The following ZMAT1 variants were observed in gnomAD, a reference collection of about 807,000 sequenced individuals.
ZMAT1 encodes zinc finger matrin-type 1.
A neutral mutation model predicts 18.5 loss-of-function variants in ZMAT1; 11 were observed. The ratio of observed to expected loss-of-function variants is 0.59; its 90% CI spans 0.37 to 0.98. ZMAT1 has a LOEUF of 0.98. ZMAT1 is among the 50% of genes least tolerant of loss of function. The pLI, the probability that ZMAT1 is intolerant of heterozygous loss-of-function variation, is 0.01. For synonymous variants in ZMAT1, 211 were observed against 176.4 expected (o/e 1.20, Z -1.55); for missense variants, 525 against 496.2 (o/e 1.06, Z -0.55).
At chrX:101,922,745 G>A (rs1929808337) in intron 1 of ZMAT1, among the ~76,000 whole-genome samples, 1 of 111,032 alleles carries the variant, frequency 9.0e-6, no homozygotes, top group Non-Finnish European at 1.9e-5. Flanking sequence ...ATTCACAAGA[G>A]ATGCTAAATG....
intron 1 of ZMAT1, 104 bp downstream of exon 1, chrX:101,931,613 G>GC (rs1311749149): frequency 1.7e-6 from 1 of 600,020 alleles, no homozygotes; most frequent in Non-Finnish European, 1.8e-6. Context: ...CACGGCAGGT[G>GC]GGGGTGGGGC....
intron 4 of ZMAT1, chrX:101,895,904 GT>G: frequency 1.4e-6 from 1 of 694,537 alleles, no homozygotes; most frequent in South Asian, 7.4e-5. Flanking sequence ...GTAATAAGAA[GT>G]GATAAACACA....
At chrX:101,915,876 A>G (rs1929292871) in intron 1 of ZMAT1, among the ~76,000 whole-genome samples, 1 of 112,243 alleles carries the variant, frequency 8.9e-6, no homozygotes, top group Admixed American at 9.4e-5. Flanking sequence ...TTTGACCCAG[A>G]AATCCCATTA....
intron 4 of ZMAT1, 41 bp downstream of exon 4, chrX:101,897,827 T>C: frequency 1.7e-6 from 2 of 1,154,995 alleles, no homozygotes; most frequent in Non-Finnish European, 2.3e-6. Flanking sequence ...ACATGATAGG[T>C]AGATCCTGCA....
At chrX:101,892,775 A>G (rs1425889872) in intron 4 of ZMAT1, 1 of 729,629 alleles carries the variant, frequency 1.4e-6, no homozygotes, top group Non-Finnish European at 1.6e-6. Flanking sequence ...GACATGAAGA[A>G]AGCAGTGAGA....
At chrX:101,915,649 C>T (rs1047725334) in intron 1 of ZMAT1, 1 of 112,102 alleles carries the variant, frequency 8.9e-6, no homozygotes, top group South Asian at 3.7e-4. Context: ...TTAGCATGGC[C>T]CCTGCATATG....
intron 1 of ZMAT1, among the ~76,000 whole-genome samples, chrX:101,926,898 T>TG (rs2147686588): frequency 8.9e-6 from 1 of 112,277 alleles, no homozygotes; most frequent in African/African-American, 3.2e-5. Context: ...ACAGGCCAAC[T>TG]GATCTTGATG....
At chrX:101,907,756 C>T (rs1327922001) in intron 1 of ZMAT1, among the ~76,000 whole-genome samples, 6 of 111,336 alleles carry the variant, frequency 5.4e-5, no homozygotes, top group African/African-American at 2.0e-4. Flanking sequence ...AATTCTGGAG[C>T]TTAAAAATAC....
chrX:101,914,213 T>C (rs759476146), intron 1 of ZMAT1, among the ~76,000 whole-genome samples: 4 of 110,984 alleles, frequency 3.6e-5, no homozygotes, highest in Non-Finnish European at 7.6e-5. Context: ...GGGAAGTTTA[T>C]AGCTATAAGT....
rs1413940522 is a variant in ZMAT1 at position 101,931,951 on chromosome X, C to T, written c.58G>A (p.Ala20Thr). ...PLAAESSPQE[A>T]TVSAASSSSY... ...GAGGAGGAGGCGGCAGAGACGGTAGCTTCCTGAGGGGAAGACTCCGCCGCC... is the reference window on the plus strand; with the variant it reads ...GAGGAGGAGGCGGCAGAGACGGTAGTTTCCTGAGGGGAAGACTCCGCCGCC... The change falls in exon 1 of 6, where the codon GCT becomes ACT. Residue 20 changes from alanine to threonine, a missense_variant. Physicochemically the swap from Ala to Thr is moderately conservative, Grantham distance 58. Transcript: ENST00000651725. The T allele has an allele frequency of 1.2e-5, 9 of 776,473 alleles. No homozygotes were observed. Among genetic ancestry groups the T allele is most frequent in the Non-Finnish European group, 1.2e-5 (8 of 655,448 alleles). The allele number at this position is 776,473 out of a possible 1,213,427, so 64.0% of individuals were successfully genotyped here. A position where few individuals can be genotyped will look rare whatever the true frequency, so the allele number is the denominator to read the frequency against.
chrX:101,890,957 T>C (rs902327072), intron 4 of ZMAT1, among the ~76,000 whole-genome samples: 1 of 111,710 alleles, frequency 9.0e-6, no homozygotes, highest in Non-Finnish European at 1.9e-5. Flanking sequence ...AAGACTTATA[T>C]GTTATGCTAA....
At chrX:101,902,340 CGTTA>C (rs1928298910) in intron 2 of ZMAT1, among the ~76,000 whole-genome samples, 1 of 111,305 alleles carries the variant, frequency 9.0e-6, no homozygotes, top group Admixed American at 9.6e-5. Context: ...ACGAATCCTT[CGTTA>C]GTTATATAGG....
chrX:101,894,601 G>T (rs767947069), intron 4 of ZMAT1: 1 of 556,381 alleles, frequency 1.8e-6, no homozygotes, highest in East Asian at 1.8e-4. Context: ...CAGGGAAATA[G>T]AAATCGTGTT....
intron 1 of ZMAT1, among the ~76,000 whole-genome samples, chrX:101,921,558 A>G (rs770461247): frequency 1.8e-5 from 2 of 112,198 alleles, no homozygotes; most frequent in African/African-American, 6.5e-5. Context: ...ATAACAACAA[A>G]TAAGTAAAAT....
chrX:101,924,648 A>G (rs1929947205), intron 1 of ZMAT1, among the ~76,000 whole-genome samples: 2 of 112,117 alleles, frequency 1.8e-5, no homozygotes, highest in African/African-American at 3.2e-5. Context: ...TTTAAAAATA[A>G]TAAGATGTGG....
At chrX:101,912,488 C>A (rs1353443649) in intron 1 of ZMAT1, among the ~76,000 whole-genome samples, 1 of 112,071 alleles carries the variant, frequency 8.9e-6, no homozygotes, top group Admixed American at 9.4e-5. Context: ...ATACAAGAAC[C>A]AAATGAAGTC....
At chrX:101,910,927 C>T (rs1178069407) in intron 1 of ZMAT1, among the ~76,000 whole-genome samples, 1 of 111,055 alleles carries the variant, frequency 9.0e-6, no homozygotes, top group African/African-American at 3.3e-5. Flanking sequence ...AGTACAAGAA[C>T]ATTATAGAAC....
intron 2 of ZMAT1, among the ~76,000 whole-genome samples, chrX:101,898,808 T>C (rs996982920): frequency 3.6e-5 from 4 of 111,827 alleles, no homozygotes; most frequent in African/African-American, 1.3e-4. Context: ...CCCAGCACTT[T>C]GCGAGGCTGA....
intron 4 of ZMAT1, among the ~76,000 whole-genome samples, chrX:101,897,266 A>T (rs192341193): frequency 7.6e-4 from 73 of 95,899 alleles, no homozygotes; most frequent in African/African-American, 2.7e-3. Flanking sequence ...GCATATTCTC[A>T]CTCATAGGTG....
Sources: gnomAD v4.1 joint callset for allele counts (sites outside exome capture counted in the v4.1 genomes callset) on GRCh38, gnomAD v4.1.1 for gene constraint, MANE v1.5 for transcripts, NCBI Gene and HGNC (gene_info 2026-07-23, HGNC 2026-07-21) for gene names.